PRKG1: variants seen among roughly 807,000 people sequenced by gnomAD.
PRKG1 encodes the protein cGMP-dependent protein kinase 1.
A neutral mutation model predicts 88.1 loss-of-function variants in PRKG1; 35 were observed. The ratio of observed to expected loss-of-function variants is 0.40; its 90% CI spans 0.30 to 0.53. The LOEUF is 0.53. PRKG1 is among the 20% of genes least tolerant of loss of function. PRKG1 has a pLI of 0.59. For missense variants in PRKG1, 540 were observed against 839.8 expected, an observed-to-expected ratio of 0.64 and a Z score of 4.41; for synonymous variants, 303 against 292.5, an observed-to-expected ratio of 1.04 and a Z score of -0.37.
chr10:51,941,914 A>G (rs909774257), intron 5 of PRKG1, among the ~76,000 whole-genome samples: 10 of 151,942 alleles, frequency 6.6e-5, no homozygotes, highest in Admixed American at 1.3e-4. Flanking sequence ...CAATAAACAT[A>G]TGTGTGCATG....
At chr10:52,222,440 C>A (rs141033745) in intron 9 of PRKG1, among the ~76,000 whole-genome samples, 2 of 152,264 alleles carry the variant, frequency 1.3e-5, no homozygotes, top group East Asian at 3.9e-4. Flanking sequence ...ATTTTACAGT[C>A]TTTCATTTTC....
At chr10:51,627,856 CTCCT>C (rs554014550) in intron 3 of PRKG1, among the ~76,000 whole-genome samples, 48 of 117,548 alleles carry the variant, frequency 4.1e-4, no homozygotes, top group African/African-American at 1.2e-3. Context: ...CCTTTCCTTT[CTCCT>C]TCCTTCCTTC....
chr10:51,430,748 T>A (rs546764200), intron 2 of PRKG1, among the ~76,000 whole-genome samples: 2 of 152,296 alleles, frequency 1.3e-5, no homozygotes, highest in African/African-American at 2.4e-5. Flanking sequence ...GTCCATACAA[T>A]GGAGTGCTAT....
chr10:52,136,422 TC>T (rs1244685525), intron 8 of PRKG1, among the ~76,000 whole-genome samples: 3 of 152,042 alleles, frequency 2.0e-5, no homozygotes, highest in Non-Finnish European at 4.4e-5. Flanking sequence ...TAATCTTGCC[TC>T]TTTTAAAGCA....
At chr10:51,924,791 C>T (rs553867970) in intron 5 of PRKG1, among the ~76,000 whole-genome samples, 7 of 151,392 alleles carry the variant, frequency 4.6e-5, no homozygotes, top group African/African-American at 1.7e-4. Flanking sequence ...CTTTCAAGCT[C>T]ACCAAGTCTT....
intron 5 of PRKG1, among the ~76,000 whole-genome samples, chr10:51,976,273 A>T (rs1047795819): frequency 6.6e-6 from 1 of 152,030 alleles, no homozygotes; most frequent in Non-Finnish European, 1.5e-5. Context: ...TATATCCAAG[A>T]TAAATAAAAA....
intron 2 of PRKG1, among the ~76,000 whole-genome samples, chr10:51,158,780 G>A (rs978391619): frequency 6.6e-6 from 1 of 151,836 alleles, no homozygotes; most frequent in East Asian, 1.9e-4. Flanking sequence ...GCAATCAATA[G>A]CATTGATTTT....
At chr10:51,059,549 G>A (rs182515397) in intron 1 of PRKG1, among the ~76,000 whole-genome samples, 35 of 151,988 alleles carry the variant, frequency 2.3e-4, no homozygotes, top group African/African-American at 6.0e-4. Flanking sequence ...CGCATGAGCC[G>A]CCACACCTGG....
chr10:51,941,346 T>A (rs866701264), intron 5 of PRKG1, among the ~76,000 whole-genome samples: 1 of 152,064 alleles, frequency 6.6e-6, no homozygotes, highest in South Asian at 2.1e-4. Flanking sequence ...TATCCTCTCA[T>A]GTACAATATT....
At chr10:51,091,949 T>C (rs10822194) in intron 1 of PRKG1, among the ~76,000 whole-genome samples, 32,862 of 152,118 alleles carry the variant, frequency 0.22, 3,741 homozygotes, top group Admixed American at 0.26. Flanking sequence ...CTTGAGGTAC[T>C]CTGGTAAGCA....
In PRKG1 at chr10:52,274,746, G is replaced by A. The variant is rs1202100521; in HGVS notation, c.1403+2265G>A. Among the ~76,000 whole-genome samples the A allele has an allele frequency of 1.8e-4, 28 of 151,892 alleles. 2 individuals are homozygous for A. Among genetic ancestry groups the A allele is most frequent in the Admixed American group, 1.8e-3 (28 of 15,208 alleles). ...GGTAATTCTACTTTTAGTTCTTTAA[G>A]GAATCTCCACACTGTTTTCCATAGC... On this transcript the variant is annotated intron_variant, in intron 12 of 17. Coordinates refer to ENST00000373980, the MANE Select transcript of PRKG1 (RefSeq NM_006258.4).
At chr10:51,205,129 T>TTC (rs764876295) in intron 2 of PRKG1, among the ~76,000 whole-genome samples, 929 of 58,030 alleles carry the variant, frequency 0.016, 161 homozygotes, top group Non-Finnish European at 0.021. Flanking sequence ...TTTCTTTTCT[T>TTC]TTTTTTTTTT....
intron 1 of PRKG1, among the ~76,000 whole-genome samples, chr10:51,099,253 GC>G (rs1195494243): frequency 2.0e-5 from 3 of 152,086 alleles, no homozygotes; most frequent in African/African-American, 7.2e-5. Context: ...GGAGTGAGGG[GC>G]AGAGATGGGG....
chr10:51,393,829 T>C (rs1837504909), intron 2 of PRKG1, among the ~76,000 whole-genome samples: 1 of 152,238 alleles, frequency 6.6e-6, no homozygotes, highest in East Asian at 1.9e-4. Context: ...TGAATTACTA[T>C]TTCATCTTGA....
intron 4 of PRKG1, among the ~76,000 whole-genome samples, chr10:51,891,096 A>G (rs528909990): frequency 1.6e-5 from 1 of 63,608 alleles, no homozygotes; most frequent in East Asian, 3.3e-4. Context: ...ACCCATCTCT[A>G]CAAAAAAAAA....
chr10:51,595,820 A>C lies in PRKG1; in HGVS notation c.592+127984A>C, dbSNP rs183492097. 9.0e-4 allele frequency among the ~76,000 whole-genome samples: 136 copies of C among 151,652 alleles called. 3 individuals carry two copies. The East Asian group carries it at 0.02, about 22-fold the overall frequency. ...ATACATACTTTTACCATTAGTACTTATGTAATTTTTGTTTTGTTTTGTTTT... is the reference window on the plus strand; with the variant it reads ...ATACATACTTTTACCATTAGTACTTCTGTAATTTTTGTTTTGTTTTGTTTT... On this transcript the variant is annotated intron_variant, in intron 3 of 17. Coordinates refer to ENST00000373980, the MANE Select transcript of PRKG1 (RefSeq NM_006258.4).
chr10:52,099,521 T>C (rs1010347661), intron 7 of PRKG1, among the ~76,000 whole-genome samples: 1 of 152,192 alleles, frequency 6.6e-6, no homozygotes, highest in Non-Finnish European at 1.5e-5. Flanking sequence ...CTCTTTTCTC[T>C]ATGGTTTTTC....
chr10:52,007,989 C>A (rs1022654078), intron 5 of PRKG1, among the ~76,000 whole-genome samples: 1 of 152,102 alleles, frequency 6.6e-6, no homozygotes, highest in Non-Finnish European at 1.5e-5. Context: ...CAAAATAACA[C>A]AATTACATGG....
chr10:52,273,879 G>T (rs7905077), intron 12 of PRKG1, among the ~76,000 whole-genome samples: 112,861 of 151,864 alleles, frequency 0.74, 42,188 homozygotes, highest in East Asian at 0.83. Flanking sequence ...AAAACAGATG[G>T]GGTCTCTCTC....
Sources: gnomAD v4.1 joint callset for allele counts (sites outside exome capture counted in the v4.1 genomes callset) on GRCh38, gnomAD v4.1.1 for gene constraint, MANE v1.5 for transcripts, NCBI Gene and HGNC (gene_info 2026-07-23, HGNC 2026-07-21) for gene names.